Variants in SLX4IP observed in about 807,000 individuals in gnomAD.
SLX4IP encodes the protein SLX4 interacting protein, also known as protein SLX4IP.
SLX4IP carries 34 observed loss-of-function variants against 32.9 expected under a neutral mutation model. The ratio of observed to expected loss-of-function variants is 1.03; its 90% CI spans 0.79 to 1.38. The LOEUF is 1.38. Among genes scored for constraint, SLX4IP ranks in the 40% most tolerant of loss-of-function variants. SLX4IP has a pLI of 0.00. For synonymous variants in SLX4IP, 172 were observed against 171.7 expected (o/e 1.00, Z -0.01); for missense variants, 444 against 479.0 (o/e 0.93, Z 0.68).
rs1257891356 is a variant in SLX4IP at position 10,623,080 on chromosome 20, A to T, written c.928A>T (p.Arg310Ter). The part of the protein sequence containing the change: ...SSAEDFDHHG[R>*]VSLGSDRLVP... ...TGCGGAAGACTTCGACCACCACGGG[A>T]GAGTTTCTCTTGGAAGTGATCGATT... The change falls in exon 8 of 8, where the codon AGA becomes TGA. Residue 310 changes from arginine (R) to a stop codon, truncating the protein, a stop_gained. Transcript: ENST00000334534. LOFTEE classifies it high-confidence loss of function. 7 of 1,614,050 alleles carry T rather than the reference A, an allele frequency of 4.3e-6. No homozygotes were observed. Among genetic ancestry groups the T allele is most frequent in the Non-Finnish European group, 5.9e-6 (7 of 1,180,014 alleles).
intron 2 of SLX4IP, among the ~76,000 whole-genome samples, chr20:10,504,874 A>C (rs945483293): frequency 7.2e-5 from 11 of 152,164 alleles, no homozygotes; most frequent in Non-Finnish European, 1.2e-4. Context: ...TGCCGTTCTC[A>C]TAGCAACAGG....
intron 3 of SLX4IP, among the ~76,000 whole-genome samples, 169 bp downstream of exon 3, chr20:10,556,489 T>TC (rs1413994808): frequency 6.6e-6 from 1 of 152,242 alleles, no homozygotes. Context: ...ACTTTTTTTT[T>TC]CCTTCAGAAA....
chr20:10,449,335 C>A (rs1483426856), intron 1 of SLX4IP, among the ~76,000 whole-genome samples: 1 of 152,112 alleles, frequency 6.6e-6, no homozygotes, highest in Non-Finnish European at 1.5e-5. Context: ...TATAGAGTTT[C>A]TTTCTTTCTT....
chr20:10,542,784 G>A lies in SLX4IP; in HGVS notation c.28-13447G>A, dbSNP rs540456619. 1.2e-4 allele frequency among the ~76,000 whole-genome samples: 19 copies of A among 152,244 alleles called. No homozygotes were observed. In the South Asian group the frequency reaches 2.1e-3, roughly 17 times the overall value. On this transcript the variant is annotated intron_variant, in intron 2 of 7. Transcript: ENST00000334534. ...ATATATCCTAGTTTAATTCTCTCTA[G>A]TTAGATTCCCTCTGAATCACAGAGG...
intron 5 of SLX4IP, 83 bp downstream of exon 5, chr20:10,598,835 G>A: frequency 1.4e-6 from 2 of 1,379,654 alleles, no homozygotes; most frequent in Non-Finnish European, 1.0e-6. Context: ...ATTAAGGAGT[G>A]GAGAGTCCCA....
rs147417653 is a variant in SLX4IP at position 10,473,115 on chromosome 20, G to A, written c.27+14884G>A. Among the ~76,000 whole-genome samples the A allele has an allele frequency of 3.2e-3, 492 of 152,294 alleles. 2 individuals are homozygous for A. The highest frequency in any genetic ancestry group is 4.5e-3 in the Non-Finnish European group (303 of 68,020). ...GTTATTTGGCATTCTAGTAACTTTTGTCTGGAAGAAAAAAATAGCTGTGGG... is the reference window on the plus strand; with the variant it reads ...GTTATTTGGCATTCTAGTAACTTTTATCTGGAAGAAAAAAATAGCTGTGGG... On this transcript the variant is annotated intron_variant, in intron 2 of 7. Transcript: ENST00000334534.
intron 1 of SLX4IP, among the ~76,000 whole-genome samples, chr20:10,452,931 T>G (rs1450029093): frequency 1.3e-5 from 2 of 152,048 alleles, no homozygotes; most frequent in Non-Finnish European, 2.9e-5. Context: ...AATTACCGTC[T>G]GTATTTTTGC....
intron 2 of SLX4IP, among the ~76,000 whole-genome samples, chr20:10,500,610 T>A (rs890646472): frequency 5.3e-5 from 8 of 151,892 alleles, no homozygotes; most frequent in Middle Eastern, 3.2e-3. Flanking sequence ...AAATTAACCA[T>A]GCGTGGTGGT....
intron 1 of SLX4IP, among the ~76,000 whole-genome samples, chr20:10,441,693 A>G (rs1490435643): frequency 2.0e-5 from 3 of 150,688 alleles, no homozygotes; most frequent in Non-Finnish European, 4.4e-5. Context: ...TACTTGCATT[A>G]TCCTCTTTCC....
intron 1 of SLX4IP, among the ~76,000 whole-genome samples, chr20:10,437,346 A>G (rs2122309230): frequency 6.6e-6 from 1 of 152,298 alleles, no homozygotes; most frequent in Non-Finnish European, 1.5e-5. Flanking sequence ...CCTTGGCTGC[A>G]CGTAACAATC....
chr20:10,553,998 A>G (rs930946282), intron 2 of SLX4IP, among the ~76,000 whole-genome samples: 4 of 152,232 alleles, frequency 2.6e-5, no homozygotes, highest in Non-Finnish European at 5.9e-5. Context: ...AAAATTGTTT[A>G]TTATTGATGT....
intron 1 of SLX4IP, 90 bp downstream of exon 1, chr20:10,435,543 A>AT (rs1163346632): frequency 6.6e-6 from 1 of 152,160 alleles, no homozygotes; most frequent in Non-Finnish European, 1.5e-5. Context: ...TTTGGCTTTG[A>AT]TTTTTTGAGA....
intron 1 of SLX4IP, among the ~76,000 whole-genome samples, chr20:10,455,579 T>TTTTTTTTATTTA (rs374076052): frequency 1.5e-4 from 22 of 144,948 alleles, no homozygotes; most frequent in African/African-American, 2.6e-4. Context: ...CCTGTATGTC[T>TTTTTTTTATTTA]TTTATTTATT....
chr20:10,565,243 CT>C (rs1383716300), intron 4 of SLX4IP, among the ~76,000 whole-genome samples: 1 of 152,138 alleles, frequency 6.6e-6, no homozygotes, highest in Non-Finnish European at 1.5e-5. Context: ...CTTTATTTCA[CT>C]TTTTCTCTGC....
intron 2 of SLX4IP, among the ~76,000 whole-genome samples, chr20:10,478,185 C>G (rs957637517): frequency 2.0e-5 from 3 of 152,164 alleles, no homozygotes; most frequent in African/African-American, 7.2e-5. Flanking sequence ...AGGTGTGAGC[C>G]ACCGCGCCCG....
intron 4 of SLX4IP, among the ~76,000 whole-genome samples, chr20:10,579,497 G>A (rs572612901): frequency 1.1e-4 from 17 of 150,000 alleles, no homozygotes; most frequent in Non-Finnish European, 2.1e-4. Flanking sequence ...GTGTGATCTC[G>A]GCTCGCTGCA....
chr20:10,480,874 A>T (rs1568701461), intron 2 of SLX4IP, among the ~76,000 whole-genome samples: 2 of 152,240 alleles, frequency 1.3e-5, no homozygotes, highest in Admixed American at 1.3e-4. Context: ...CTTGGCTCTT[A>T]CTTTCTTTCT....
chr20:10,583,060 T>C (rs2066602856), intron 4 of SLX4IP, among the ~76,000 whole-genome samples: 1 of 152,158 alleles, frequency 6.6e-6, no homozygotes, highest in African/African-American at 2.4e-5. Flanking sequence ...AAAAATAGGA[T>C]CATATAATGA....
At chr20:10,550,046 G>T (rs115893598) in intron 2 of SLX4IP, among the ~76,000 whole-genome samples, 1 of 152,138 alleles carries the variant, frequency 6.6e-6, no homozygotes, top group Non-Finnish European at 1.5e-5. Context: ...TGTAGTATCA[G>T]AAATGATTCA....
Sources: gnomAD v4.1 joint callset for allele counts (sites outside exome capture counted in the v4.1 genomes callset) on GRCh38, gnomAD v4.1.1 for gene constraint, MANE v1.5 for transcripts, NCBI Gene and HGNC (gene_info 2026-07-23, HGNC 2026-07-21) for gene names.